Variants in ATL1 observed in about 807,000 individuals in gnomAD.
ATL1 encodes atlastin-1.
Under a neutral mutation model 75.5 loss-of-function variants are expected in ATL1, and 31 were observed. That is an observed-to-expected ratio of 0.41 (90% CI 0.31 to 0.55). The LOEUF is 0.55. Ranked by LOEUF, ATL1 falls within the 20% of genes least tolerant of loss-of-function variation. The pLI, the probability that ATL1 is intolerant of heterozygous loss-of-function variation, is 0.27. For synonymous variants in ATL1, 226 were observed against 233.3 expected (o/e 0.97, Z 0.28); for missense variants, 405 against 662.6 (o/e 0.61, Z 4.27).
chr14:50,569,654 G>A (rs2038937376), intron 1 of ATL1, among the ~76,000 whole-genome samples: 1 of 152,060 alleles, frequency 6.6e-6, no homozygotes, highest in African/African-American at 2.4e-5. Flanking sequence ...ATTTCTTCAT[G>A]TGGCTTTAAG....
intron 2 of ATL1, among the ~76,000 whole-genome samples, chr14:50,588,671 G>A (rs556601558): frequency 2.6e-5 from 4 of 152,154 alleles, no homozygotes; most frequent in South Asian, 2.1e-4. Context: ...GGTGGATCAC[G>A]AGGTCAAGAG....
chr14:50,537,208 A>T (rs893835926), intron 1 of ATL1, among the ~76,000 whole-genome samples: 20 of 152,198 alleles, frequency 1.3e-4, no homozygotes, highest in African/African-American at 4.8e-4. Context: ...AGGGGCCAAC[A>T]TAGAGCTGGG....
chr14:50,613,754 A>G (rs1358119821), intron 7 of ATL1, among the ~76,000 whole-genome samples: 1 of 152,200 alleles, frequency 6.6e-6, no homozygotes, highest in Non-Finnish European at 1.5e-5. Context: ...TATCACCAAA[A>G]GTGCCTACTG....
At chr14:50,598,583 G>A (rs901576446) in intron 6 of ATL1, among the ~76,000 whole-genome samples, 3 of 151,962 alleles carry the variant, frequency 2.0e-5, no homozygotes, top group South Asian at 2.1e-4. Flanking sequence ...GGATGGTCTC[G>A]AACTCCTGAC....
chr14:50,562,280 G>A (rs1159932199), intron 1 of ATL1, among the ~76,000 whole-genome samples: 2 of 152,100 alleles, frequency 1.3e-5, no homozygotes, highest in African/African-American at 4.8e-5. Context: ...TCCTGACCTC[G>A]TGATCCGCCC....
In ATL1 at chr14:50,591,565, AC is replaced by A; in HGVS notation, c.450del (p.Phe151LeufsTer7). ...AGTGTTATTGATGGATACTCAGGGAACCTTTGATAGTCAGTCAACTTTGAGA... is the reference window on the plus strand; with the variant it reads ...AGTGTTATTGATGGATACTCAGGGAACTTTGATAGTCAGTCAACTTTGAGA... ...VAVLLMDTQGTFDSQSTLRDS... is the reference protein window; with the variant it reads ...VAVLLMDTQGXFDSQSTLRDS... On this transcript the variant is annotated frameshift_variant, in exon 4 of 14. Transcript: ENST00000358385. LOFTEE classifies it high-confidence loss of function. The A allele has an allele frequency of 6.2e-7, 1 of 1,613,632 alleles. No individual in the cohort carries two copies. The highest frequency in any genetic ancestry group is 8.5e-7 in the Non-Finnish European group (1 of 1,179,738).
At chr14:50,616,265 C>T (rs1305459934) in intron 8 of ATL1, among the ~76,000 whole-genome samples, 5 of 151,960 alleles carry the variant, frequency 3.3e-5, no homozygotes, top group Non-Finnish European at 7.4e-5. Flanking sequence ...TCCCAAAGTG[C>T]TGGGATTACA....
intron 11 of ATL1, among the ~76,000 whole-genome samples, chr14:50,623,829 T>C (rs1595621854): frequency 6.6e-6 from 1 of 152,266 alleles, no homozygotes; most frequent in Middle Eastern, 3.4e-3. Context: ...GGCAGGTGGA[T>C]TGCCTGAGGT....
At chr14:50,572,645 T>G (rs1005979740) in intron 1 of ATL1, among the ~76,000 whole-genome samples, 28 of 152,148 alleles carry the variant, frequency 1.8e-4, no homozygotes, top group African/African-American at 5.1e-4. Context: ...TATATTTTAT[T>G]CTTTGTAACT....
chr14:50,585,983 T>C (rs560455114), intron 1 of ATL1, among the ~76,000 whole-genome samples: 36 of 152,314 alleles, frequency 2.4e-4, no homozygotes, highest in African/African-American at 8.2e-4. Flanking sequence ...TAAAATTATA[T>C]ATTTTCAGTA....
rs759472510 is a variant in ATL1 at position 50,615,250 on chromosome 14, GA to G, written c.862+742del. Among the ~76,000 whole-genome samples the G allele has an allele frequency of 7.2e-5, 11 of 152,306 alleles. No homozygotes were observed. The East Asian group carries it at 7.7e-4, about 11-fold the overall frequency. ...GTTCAAAGACATGACTTTTTAACTT[GA>G]AAGCGTAGTGTTGAATATGCCACTG... On this transcript the variant is annotated intron_variant, in intron 8 of 13. Transcript: ENST00000358385.
At chr14:50,594,004 T>TTG in intron 5 of ATL1, 108 bp downstream of exon 5, 1 of 876,560 alleles carries the variant, frequency 1.1e-6, no homozygotes, top group Non-Finnish European at 1.8e-6. Flanking sequence ...TTCTGCTGTT[T>TTG]AAACAGGAAC....
chr14:50,585,110 GACAAAA>G (rs1366015715), intron 1 of ATL1, among the ~76,000 whole-genome samples: 2 of 152,112 alleles, frequency 1.3e-5, no homozygotes, highest in African/African-American at 4.8e-5. Context: ...CTCTGCAACT[GACAAAA>G]ACAAAGTCAG....
At chr14:50,567,957 A>G (rs2038919929) in intron 1 of ATL1, among the ~76,000 whole-genome samples, 2 of 152,130 alleles carry the variant, frequency 1.3e-5, no homozygotes, top group Non-Finnish European at 2.9e-5. Flanking sequence ...TGTGTATTCT[A>G]TTGTTGTTGG....
intron 6 of ATL1, among the ~76,000 whole-genome samples, chr14:50,602,753 T>A (rs1209641690): frequency 6.6e-6 from 1 of 152,124 alleles, no homozygotes; most frequent in Non-Finnish European, 1.5e-5. Flanking sequence ...CTGAGGTAGT[T>A]GGGAATTTTA....
intron 6 of ATL1, among the ~76,000 whole-genome samples, chr14:50,601,746 C>A (rs763036130): frequency 6.6e-6 from 1 of 152,162 alleles, no homozygotes; most frequent in Non-Finnish European, 1.5e-5. Flanking sequence ...CTGGCAGGAG[C>A]TACTTTATTA....
At chr14:50,573,097 A>G (rs566028829) in intron 1 of ATL1, among the ~76,000 whole-genome samples, 1 of 152,308 alleles carries the variant, frequency 6.6e-6, no homozygotes, top group Admixed American at 6.5e-5. Flanking sequence ...CCATGATCTA[A>G]TCACCTCCCA....
intron 6 of ATL1, among the ~76,000 whole-genome samples, chr14:50,612,614 C>T (rs989369365): frequency 6.6e-6 from 1 of 152,116 alleles, no homozygotes; most frequent in Admixed American, 6.6e-5. Flanking sequence ...TAAAATGCCA[C>T]ATACAAAACA....
chr14:50,540,943 C>T (rs949601510), intron 1 of ATL1, among the ~76,000 whole-genome samples: 1 of 152,178 alleles, frequency 6.6e-6, no homozygotes, highest in African/African-American at 2.4e-5. Flanking sequence ...TTGGCTTGTG[C>T]AATAGCCAAA....
Sources: allele counts gnomAD v4.1 joint callset (sites outside exome capture counted in the v4.1 genomes callset), GRCh38; gene constraint gnomAD v4.1.1; transcripts MANE v1.5; gene names NCBI Gene and HGNC (gene_info 2026-07-23, HGNC 2026-07-21).